The following PTPRD variants were observed in gnomAD, a reference collection of about 807,000 sequenced individuals.
The protein encoded by PTPRD is protein tyrosine phosphatase receptor type D, also known as receptor-type tyrosine-protein phosphatase delta.
PTPRD carries 34 observed loss-of-function variants against 214.5 expected under a neutral mutation model. The ratio of observed to expected loss-of-function variants is 0.16; its 90% CI spans 0.12 to 0.21. The LOEUF is 0.21. Among genes scored for constraint, PTPRD ranks in the 10% least tolerant of loss-of-function variants. PTPRD has a pLI of 1.00. For missense variants in PTPRD, 2,545 were observed against 2,398.7 expected, an observed-to-expected ratio of 1.06 and a Z score of -1.27; for synonymous variants, 1,128 against 845.7, an observed-to-expected ratio of 1.33 and a Z score of -5.79.
chr9:9,367,271 G>A (rs1037620170), intron 9 of PTPRD, among the ~76,000 whole-genome samples: 1 of 151,424 alleles, frequency 6.6e-6, no homozygotes, highest in African/African-American at 2.4e-5. Context: ...AAGTTAACTG[G>A]AAGGAAAACA....
intron 5 of PTPRD, among the ~76,000 whole-genome samples, chr9:9,892,805 T>G (rs1164652757): frequency 6.6e-6 from 1 of 151,880 alleles, no homozygotes; most frequent in Non-Finnish European, 1.5e-5. Flanking sequence ...AGTGGTATAA[T>G]ATTTGAATAC....
chr9:10,383,429 G>A (rs140605369), intron 2 of PTPRD, among the ~76,000 whole-genome samples: 76 of 151,928 alleles, frequency 5.0e-4, no homozygotes, highest in Middle Eastern at 3.4e-3. Context: ...TATATGTCAT[G>A]CTTCCTTTGC....
chr9:9,929,910 T>C (rs138450277), intron 5 of PTPRD, among the ~76,000 whole-genome samples: 1 of 152,356 alleles, frequency 6.6e-6, no homozygotes, highest in African/African-American at 2.4e-5. Flanking sequence ...TGCTCTGATT[T>C]TGGATGACAT....
At chr9:8,706,076 G>C (rs893442049) in intron 12 of PTPRD, among the ~76,000 whole-genome samples, 4 of 152,092 alleles carry the variant, frequency 2.6e-5, no homozygotes, top group Non-Finnish European at 5.9e-5. Context: ...AGAACTGCCA[G>C]ACTCACTTAG....
intron 11 of PTPRD, among the ~76,000 whole-genome samples, chr9:9,012,697 C>T (rs546354304): frequency 6.6e-6 from 1 of 152,226 alleles, no homozygotes; most frequent in Non-Finnish European, 1.5e-5. Flanking sequence ...CAAGTTCTAT[C>T]AATTAAAGTT....
At chr9:9,833,894 T>C (rs1296953347) in intron 5 of PTPRD, among the ~76,000 whole-genome samples, 1 of 152,098 alleles carries the variant, frequency 6.6e-6, no homozygotes, top group African/African-American at 2.4e-5. Flanking sequence ...TTTTTCAGGA[T>C]GTCCACATTT....
Position 8,503,025 on chromosome 9 carries a change from C to T in PTPRD, c.1822+1236G>A, listed in dbSNP as rs1020666770. 4.6e-5 allele frequency among the ~76,000 whole-genome samples: 7 copies of T among 151,944 alleles called. No individual in the cohort carries two copies. The South Asian group carries it at 6.2e-4, about 14-fold the overall frequency. On this transcript the variant is annotated intron_variant, in intron 23 of 45. Coordinates refer to ENST00000381196, the MANE Select transcript of PTPRD (RefSeq NM_002839.4). ...GAATTCAAAGCAGACATACAGAGAA[C>T]GCATTAATTTACATGCTTACGCCTT...
At chr9:8,817,814 G>C (rs2096953172) in intron 11 of PTPRD, among the ~76,000 whole-genome samples, 1 of 152,052 alleles carries the variant, frequency 6.6e-6, no homozygotes, top group Non-Finnish European at 1.5e-5. Flanking sequence ...TGGACTTCTT[G>C]GTAGAATTTC....
At chr9:9,122,136 T>C (rs573581450) in intron 10 of PTPRD, among the ~76,000 whole-genome samples, 1 of 152,158 alleles carries the variant, frequency 6.6e-6, no homozygotes, top group African/African-American at 2.4e-5. Context: ...ACTTCATATG[T>C]TCCTCAGTGA....
chr9:9,946,576 C>T (rs992988304), intron 4 of PTPRD, among the ~76,000 whole-genome samples: 5 of 152,086 alleles, frequency 3.3e-5, no homozygotes, highest in Non-Finnish European at 5.9e-5. Flanking sequence ...CCGAGGCACA[C>T]TCTTTTTGCA....
At chr9:8,885,218 G>A (rs577229933) in intron 11 of PTPRD, among the ~76,000 whole-genome samples, 1 of 152,186 alleles carries the variant, frequency 6.6e-6, no homozygotes, top group South Asian at 2.1e-4. Context: ...TCACCATTCT[G>A]CAGTAAAACT....
At chr9:10,142,156 A>T (rs1476744190) in intron 3 of PTPRD, among the ~76,000 whole-genome samples, 1 of 152,140 alleles carries the variant, frequency 6.6e-6, no homozygotes, top group Non-Finnish European at 1.5e-5. Context: ...TGTTAGACCT[A>T]AAACCATAAA....
At chr9:8,748,564 T>C (rs1441581585) in intron 11 of PTPRD, among the ~76,000 whole-genome samples, 1 of 83,892 alleles carries the variant, frequency 1.2e-5, no homozygotes, top group African/African-American at 3.6e-5. Context: ...AAAAAGAAAA[T>C]GCGCTTACTT....
chr9:10,161,327 T>C (rs1307987144), intron 3 of PTPRD, among the ~76,000 whole-genome samples: 1 of 151,558 alleles, frequency 6.6e-6, no homozygotes, highest in African/African-American at 2.4e-5. Context: ...TATAGTAAAT[T>C]GTACCTGCAT....
At chr9:10,539,467 G>A (rs1012794324) in intron 2 of PTPRD, among the ~76,000 whole-genome samples, 2 of 152,202 alleles carry the variant, frequency 1.3e-5, no homozygotes, top group Non-Finnish European at 2.9e-5. Context: ...TTACAGGCGT[G>A]AGCCACCACG....
chr9:10,494,723 T>C (rs188032316), intron 2 of PTPRD, among the ~76,000 whole-genome samples: 11 of 151,412 alleles, frequency 7.3e-5, no homozygotes, highest in African/African-American at 2.4e-4. Flanking sequence ...TGTTATTTAA[T>C]ATAAAAATTT....
At chr9:9,336,083 C>G (rs954774807) in intron 9 of PTPRD, among the ~76,000 whole-genome samples, 1 of 151,968 alleles carries the variant, frequency 6.6e-6, no homozygotes, top group African/African-American at 2.4e-5. Context: ...GTTAAAGATA[C>G]GACACACACA....
intron 36 of PTPRD, among the ~76,000 whole-genome samples, chr9:8,390,758 C>T (rs771679041): frequency 3.9e-5 from 6 of 151,946 alleles, no homozygotes; most frequent in Non-Finnish European, 8.8e-5. Context: ...AGAAGAGGAG[C>T]CACAGTGATT....
At chr9:9,965,900 TAGTG>T (rs1230508017) in intron 4 of PTPRD, among the ~76,000 whole-genome samples, 10 of 152,228 alleles carry the variant, frequency 6.6e-5, no homozygotes, top group African/African-American at 2.4e-4. Context: ...TCTCTTTCCT[TAGTG>T]AGCATGTTGT....
Sources: gnomAD v4.1 joint callset for allele counts (sites outside exome capture counted in the v4.1 genomes callset) on GRCh38, gnomAD v4.1.1 for gene constraint, MANE v1.5 for transcripts, NCBI Gene and HGNC (gene_info 2026-07-23, HGNC 2026-07-21) for gene names.